Variants in RCOR1 observed in about 807,000 individuals in gnomAD.
RCOR1 encodes the protein REST corepressor 1.
Under a neutral mutation model 64.0 loss-of-function variants are expected in RCOR1, and 12 were observed. That is an observed-to-expected ratio of 0.19 (90% CI 0.12 to 0.30). RCOR1 has a LOEUF of 0.30. RCOR1 is among the 10% of genes least tolerant of loss of function. RCOR1 has a pLI of 1.00. For missense variants in RCOR1, 502 were observed against 621.2 expected (o/e 0.81, Z 2.04); for synonymous variants, 279 against 227.2 (o/e 1.23, Z -2.05).
Position 102,658,660 on chromosome 14 carries a change from T to C in RCOR1, c.362-23235T>C, listed in dbSNP as rs546206130. 4.1e-6 allele frequency: 4 copies of C among 977,924 alleles called. No homozygotes were observed. The South Asian group carries it at 1.4e-4, about 35-fold the overall frequency. The allele number at this position is 977,924 out of a possible 1,614,324, so 60.6% of individuals were successfully genotyped here. A position where few individuals can be genotyped will look rare whatever the true frequency, so the allele number is the denominator to read the frequency against. Reference sequence around the variant, plus strand: ...TTCCTCTTACATCACCAAGGTGTGCTTGTCAATACCCAGAAACCAACACTG... The same window carrying C: ...TTCCTCTTACATCACCAAGGTGTGCCTGTCAATACCCAGAAACCAACACTG... On this transcript the variant is annotated intron_variant, in intron 2 of 11. Transcript: ENST00000262241.
chr14:102,694,141 A>G (rs541629536), intron 3 of RCOR1, among the ~76,000 whole-genome samples: 8 of 152,322 alleles, frequency 5.3e-5, no homozygotes, highest in East Asian at 1.9e-4. Context: ...ACCAGCAACT[A>G]CTGGTGTACT....
At chr14:102,634,570 T>C (rs1168241211) in intron 2 of RCOR1, among the ~76,000 whole-genome samples, 1 of 151,864 alleles carries the variant, frequency 6.6e-6, no homozygotes, top group African/African-American at 2.4e-5. Flanking sequence ...TACTAAGTTT[T>C]TTGACATCTT....
intron 3 of RCOR1, among the ~76,000 whole-genome samples, chr14:102,682,622 G>GT (rs1444592785): frequency 6.6e-6 from 1 of 152,068 alleles, no homozygotes; most frequent in South Asian, 2.1e-4. Flanking sequence ...TTTTCAGATG[G>GT]TTTTTTTGGG....
intron 2 of RCOR1, among the ~76,000 whole-genome samples, chr14:102,607,100 AT>A (rs1893527406): frequency 6.6e-6 from 1 of 151,772 alleles, no homozygotes; most frequent in South Asian, 2.1e-4. Context: ...CGTCTGGCTG[AT>A]TTTGTATTTT....
At chr14:102,688,815 C>T (rs994999141) in intron 3 of RCOR1, among the ~76,000 whole-genome samples, 2 of 152,192 alleles carry the variant, frequency 1.3e-5, no homozygotes, top group African/African-American at 4.8e-5. Context: ...CTCCTCAGTC[C>T]CCACTGTGAT....
chr14:102,617,801 A>G (rs1256813185), intron 2 of RCOR1, among the ~76,000 whole-genome samples: 1 of 151,286 alleles, frequency 6.6e-6, no homozygotes, highest in Non-Finnish European at 1.5e-5. Flanking sequence ...TATTGGCCAG[A>G]CTGGTCTCGA....
intron 2 of RCOR1, among the ~76,000 whole-genome samples, chr14:102,604,404 A>G (rs973032682): frequency 3.3e-5 from 5 of 152,180 alleles, no homozygotes; most frequent in Admixed American, 1.3e-4. Context: ...ATAGGGAGGT[A>G]CAACTTGTCA....
Position 102,726,786 on chromosome 14 carries a change from T to C in RCOR1, c.*280T>C. 1 of 421,764 alleles carries C rather than the reference T, an allele frequency of 2.4e-6. No individual in the cohort carries two copies. Among genetic ancestry groups the C allele is most frequent in the South Asian group, 3.9e-5 (1 of 25,576 alleles). 26.1% of individuals were successfully genotyped at this position (421,764 alleles called of 1,614,324 possible). ...ATCTCTTGTGACTCTGGGAACCGCC[T>C]CTCCCGCCGGAGCCCCCGAGCCCCA... On this transcript the variant is annotated 3_prime_UTR_variant, in exon 12 of 12. Coordinates refer to ENST00000262241, the MANE Select transcript of RCOR1 (RefSeq NM_015156.4).
intron 11 of RCOR1, 68 bp downstream of exon 11, chr14:102,722,484 A>G: frequency 7.5e-7 from 1 of 1,327,028 alleles, no homozygotes; most frequent in Non-Finnish European, 1.1e-6. Flanking sequence ...TTCTAAAGTG[A>G]TGAATTTTTT....
intron 2 of RCOR1, among the ~76,000 whole-genome samples, chr14:102,624,946 A>G (rs1186681986): frequency 6.6e-6 from 1 of 152,056 alleles, no homozygotes; most frequent in Non-Finnish European, 1.5e-5. Context: ...TCATGGCTCA[A>G]CTGCAGCCTT....
intron 2 of RCOR1, among the ~76,000 whole-genome samples, chr14:102,639,320 A>G (rs2139919101): frequency 7.0e-6 from 1 of 141,978 alleles, no homozygotes; most frequent in Non-Finnish European, 1.5e-5. Context: ...GCTGGACTAC[A>G]GTGACATGAT....
At chr14:102,726,155 C>G (rs1378473077) in intron 11 of RCOR1, among the ~76,000 whole-genome samples, 2 of 151,686 alleles carry the variant, frequency 1.3e-5, no homozygotes, top group Non-Finnish European at 2.9e-5. Context: ...GGTGAAACCC[C>G]GTCTCTACTG....
At chr14:102,622,214 G>T (rs1252610509) in intron 2 of RCOR1, among the ~76,000 whole-genome samples, 1 of 152,102 alleles carries the variant, frequency 6.6e-6, no homozygotes, top group African/African-American at 2.4e-5. Context: ...ATCTACCCGA[G>T]ATTTATTGGC....
At chr14:102,639,656 C>T (rs1026054896) in intron 2 of RCOR1, among the ~76,000 whole-genome samples, 1 of 150,432 alleles carries the variant, frequency 6.6e-6, no homozygotes, top group East Asian at 2.0e-4. Context: ...GCCTCAGCCT[C>T]CCTAGTAGCT....
intron 2 of RCOR1, chr14:102,657,031 T>C: frequency 1.1e-6 from 1 of 943,534 alleles, no homozygotes; most frequent in Non-Finnish European, 1.3e-6. Flanking sequence ...CGCATCAGCC[T>C]CCCAAAGTGC....
chr14:102,604,037 G>A (rs1893454370), intron 2 of RCOR1, among the ~76,000 whole-genome samples: 1 of 152,128 alleles, frequency 6.6e-6, no homozygotes, highest in African/African-American at 2.4e-5. Context: ...ATACATTCCT[G>A]ACTGGAGACT....
At chr14:102,689,488 G>C (rs1447100263) in intron 3 of RCOR1, among the ~76,000 whole-genome samples, 1 of 152,184 alleles carries the variant, frequency 6.6e-6, no homozygotes, top group Admixed American at 6.5e-5. Context: ...TCTCAGATGG[G>C]CTGCTGTTGC....
intron 2 of RCOR1, among the ~76,000 whole-genome samples, chr14:102,614,179 G>T (rs1304695795): frequency 2.0e-5 from 3 of 151,130 alleles, no homozygotes; most frequent in Middle Eastern, 3.4e-3. Flanking sequence ...ATAGGCGTGA[G>T]CCACTGCACC....
intron 2 of RCOR1, chr14:102,657,298 C>T (rs979123960): frequency 2.0e-6 from 2 of 985,040 alleles, no homozygotes; most frequent in Non-Finnish European, 1.2e-6. Context: ...TCCTTTTAGG[C>T]GATATGTCCT....
Sources: allele counts gnomAD v4.1 joint callset (sites outside exome capture counted in the v4.1 genomes callset), GRCh38; gene constraint gnomAD v4.1.1; transcripts MANE v1.5; gene names NCBI Gene and HGNC (gene_info 2026-07-23, HGNC 2026-07-21).